Variants in SLC35F3 observed in about 807,000 individuals in gnomAD.
SLC35F3 encodes the protein solute carrier family 35 member F3, also known as putative thiamine transporter SLC35F3.
Under a neutral mutation model 49.9 loss-of-function variants are expected in SLC35F3, and 25 were observed. The ratio of observed to expected loss-of-function variants is 0.50; its 90% CI spans 0.37 to 0.70. The LOEUF (loss-of-function observed/expected upper bound fraction) is 0.70, where lower values mean the gene tolerates loss of function less well. SLC35F3 is among the 30% of genes least tolerant of loss of function. SLC35F3 has a pLI of 0.00. For missense variants in SLC35F3, 525 were observed against 639.8 expected, an observed-to-expected ratio of 0.82 and a Z score of 1.94; for synonymous variants, 275 against 265.4, an observed-to-expected ratio of 1.04 and a Z score of -0.35.
intron 2 of SLC35F3, among the ~76,000 whole-genome samples, chr1:234,098,492 G>C (rs962886264): frequency 1.3e-5 from 2 of 151,598 alleles, no homozygotes; most frequent in African/African-American, 4.9e-5. Context: ...GACTGTTGGT[G>C]GTGGCAGTTC....
chr1:234,289,092 G>A (rs1668466907), intron 3 of SLC35F3, among the ~76,000 whole-genome samples: 1 of 152,188 alleles, frequency 6.6e-6, no homozygotes, highest in Non-Finnish European at 1.5e-5. Context: ...AGTGCCCAGA[G>A]CCTTGAAAAG....
chr1:233,963,311 C>A (rs369302978), intron 2 of SLC35F3, among the ~76,000 whole-genome samples: 1 of 124,300 alleles, frequency 8.0e-6, no homozygotes, highest in Admixed American at 8.2e-5. Context: ...TTTTTTTTTT[C>A]TTTTTTTGAG....
At chr1:234,311,735 C>A (rs1041224542) in intron 4 of SLC35F3, among the ~76,000 whole-genome samples, 1 of 152,174 alleles carries the variant, frequency 6.6e-6, no homozygotes, top group Non-Finnish European at 1.5e-5. Flanking sequence ...CTCCTTGTGT[C>A]GCCATCTGAC....
chr1:233,936,741 T>C (rs1200424697), intron 2 of SLC35F3, among the ~76,000 whole-genome samples: 1 of 152,060 alleles, frequency 6.6e-6, no homozygotes, highest in Non-Finnish European at 1.5e-5. Flanking sequence ...CAAGCTGAAG[T>C]GCAGTGGTGT....
At chr1:234,238,869 G>A (rs1308803241) in intron 3 of SLC35F3, among the ~76,000 whole-genome samples, 2 of 152,186 alleles carry the variant, frequency 1.3e-5, no homozygotes, top group Non-Finnish European at 2.9e-5. Context: ...TGGCTTTGAA[G>A]TTTAGCAGTT....
chr1:234,002,202 T>C (rs1663565165), intron 2 of SLC35F3, among the ~76,000 whole-genome samples: 2 of 152,236 alleles, frequency 1.3e-5, no homozygotes, highest in Non-Finnish European at 2.9e-5. Flanking sequence ...GTACCCAGTT[T>C]CCCTATTATT....
chr1:234,284,039 G>A (rs2102982283), intron 3 of SLC35F3, among the ~76,000 whole-genome samples: 2 of 152,178 alleles, frequency 1.3e-5, no homozygotes, highest in East Asian at 1.9e-4. Context: ...AGGAGTAGCT[G>A]GGACTACAGG....
chr1:234,197,186 G>A (rs181748840), intron 2 of SLC35F3, among the ~76,000 whole-genome samples: 2 of 152,284 alleles, frequency 1.3e-5, no homozygotes, highest in African/African-American at 4.8e-5. Flanking sequence ...GCTAACTGGT[G>A]CATATCAAAG....
chr1:233,973,334 G>A (rs896052772), intron 2 of SLC35F3, among the ~76,000 whole-genome samples: 17 of 152,176 alleles, frequency 1.1e-4, no homozygotes, highest in East Asian at 7.7e-4. Context: ...CAGATTCCCC[G>A]GGTCATTTCA....
intron 3 of SLC35F3, among the ~76,000 whole-genome samples, chr1:234,271,318 A>G (rs1668100712): frequency 6.6e-6 from 1 of 152,196 alleles, no homozygotes; most frequent in Non-Finnish European, 1.5e-5. Flanking sequence ...CTTATTTTGA[A>G]GCATATACAG....
intron 2 of SLC35F3, among the ~76,000 whole-genome samples, chr1:233,999,625 C>T (rs1044867342): frequency 2.0e-5 from 3 of 152,094 alleles, no homozygotes; most frequent in Non-Finnish European, 2.9e-5. Flanking sequence ...CTTATCCCTT[C>T]CGGCCCTGCT....
At chr1:234,297,708 C>T (rs549707181) in intron 3 of SLC35F3, among the ~76,000 whole-genome samples, 1 of 149,034 alleles carries the variant, frequency 6.7e-6, no homozygotes, top group Non-Finnish European at 1.5e-5. Context: ...CATGCCACTG[C>T]ACTCCAGCCT....
intron 3 of SLC35F3, among the ~76,000 whole-genome samples, chr1:234,289,985 G>A (rs945809368): frequency 3.9e-5 from 6 of 152,128 alleles, no homozygotes; most frequent in African/African-American, 7.2e-5. Flanking sequence ...AAAGAAGAGG[G>A]CATTGCACAT....
In SLC35F3 at chr1:234,258,642, A is replaced by G. The variant is rs965648395; in HGVS notation, c.608+26901A>G. 2.0e-5 allele frequency among the ~76,000 whole-genome samples: 3 copies of G among 152,246 alleles called. 1 individual carries two copies. The South Asian group carries it at 6.2e-4, about 31-fold the overall frequency. On this transcript the variant is annotated intron_variant, in intron 3 of 7. Coordinates refer to ENST00000366618, the MANE Select transcript of SLC35F3 (RefSeq NM_173508.4). ...TCCTTGCTTTAAGGTTAAACTATAA[A>G]CTAAATTCTTCCCATAGCTATCTTG...
intron 2 of SLC35F3, among the ~76,000 whole-genome samples, chr1:233,963,084 T>C (rs1282704801): frequency 6.6e-6 from 1 of 152,222 alleles, no homozygotes; most frequent in Non-Finnish European, 1.5e-5. Flanking sequence ...CTGTGACTCA[T>C]TCCAGCCCTC....
intron 2 of SLC35F3, among the ~76,000 whole-genome samples, chr1:234,180,311 GT>G (rs1356621005): frequency 6.6e-6 from 1 of 152,216 alleles, no homozygotes; most frequent in African/African-American, 2.4e-5. Flanking sequence ...TTGGGTGCAA[GT>G]TTAGAGCTTA....
At chr1:234,108,176 G>T (rs1015020152) in intron 2 of SLC35F3, among the ~76,000 whole-genome samples, 1 of 126,138 alleles carries the variant, frequency 7.9e-6, no homozygotes, top group African/African-American at 2.9e-5. Flanking sequence ...GTTTCAAATG[G>T]AAGTGAGATA....
intron 2 of SLC35F3, among the ~76,000 whole-genome samples, chr1:234,019,491 A>G (rs1436038136): frequency 7.2e-5 from 11 of 152,214 alleles, no homozygotes; most frequent in Admixed American, 7.2e-4. Flanking sequence ...TCGATGTTGC[A>G]GCTTGAGTCT....
intron 2 of SLC35F3, among the ~76,000 whole-genome samples, chr1:234,120,159 T>G (rs990427153): frequency 1.3e-5 from 2 of 152,224 alleles, no homozygotes; most frequent in African/African-American, 4.8e-5. Flanking sequence ...GACCTCTCTG[T>G]GTTTCTTAGA....
Sources: gnomAD v4.1 joint callset for allele counts (sites outside exome capture counted in the v4.1 genomes callset) on GRCh38, gnomAD v4.1.1 for gene constraint, MANE v1.5 for transcripts, NCBI Gene and HGNC (gene_info 2026-07-23, HGNC 2026-07-21) for gene names.